Variants in PHF21A observed in about 807,000 individuals in gnomAD.
PHF21A encodes PHD finger protein 21A, also known as BHC80a.
A neutral mutation model predicts 82.5 loss-of-function variants in PHF21A; 11 were observed. That is an observed-to-expected ratio of 0.13 (90% CI 0.08 to 0.22). The LOEUF (loss-of-function observed/expected upper bound fraction) is 0.22, where lower values mean the gene tolerates loss of function less well. Among genes scored for constraint, PHF21A ranks in the 10% least tolerant of loss-of-function variants. PHF21A has a pLI of 1.00. For missense variants in PHF21A, 579 were observed against 837.8 expected, an observed-to-expected ratio of 0.69 and a Z score of 3.81; for synonymous variants, 297 against 302.8, an observed-to-expected ratio of 0.98 and a Z score of 0.20.
intron 6 of PHF21A, among the ~76,000 whole-genome samples, chr11:46,044,513 C>G (rs970492311): frequency 1.3e-5 from 2 of 151,986 alleles, no homozygotes; most frequent in Non-Finnish European, 2.9e-5. Flanking sequence ...CAAGTAACAA[C>G]CTGTGTAACC....
intron 6 of PHF21A, among the ~76,000 whole-genome samples, chr11:46,068,506 G>C (rs1592756054): frequency 6.6e-6 from 1 of 152,252 alleles, no homozygotes; most frequent in Middle Eastern, 3.4e-3. Flanking sequence ...GTTCTCCAAA[G>C]AGTGGAAGAG....
intron 3 of PHF21A, among the ~76,000 whole-genome samples, chr11:46,087,295 G>T (rs768896671): frequency 5.3e-5 from 8 of 152,166 alleles, no homozygotes; most frequent in African/African-American, 9.7e-5. Context: ...TTAACTTGAA[G>T]ACTGTAAATG....
At chr11:46,032,974 G>A (rs973150468) in intron 6 of PHF21A, among the ~76,000 whole-genome samples, 5 of 152,064 alleles carry the variant, frequency 3.3e-5, no homozygotes, top group Admixed American at 6.6e-5. Flanking sequence ...ATCCCTAAGA[G>A]CCTCTCTCTA....
chr11:46,059,465 G>A (rs751390892), intron 6 of PHF21A, among the ~76,000 whole-genome samples: 16 of 151,954 alleles, frequency 1.1e-4, no homozygotes, highest in Non-Finnish European at 1.6e-4. Context: ...TTCCACTGTC[G>A]CCCAGATGGG....
At chr11:46,099,819 A>G (rs560880095) in intron 1 of PHF21A, among the ~76,000 whole-genome samples, 95 of 152,318 alleles carry the variant, frequency 6.2e-4, no homozygotes, top group Non-Finnish European at 1.3e-3. Flanking sequence ...TCCAGCCTGA[A>G]AGAAAATTAG....
At chr11:45,952,682 G>A (rs1360864883) in intron 11 of PHF21A, among the ~76,000 whole-genome samples, 2 of 152,124 alleles carry the variant, frequency 1.3e-5, no homozygotes, top group Non-Finnish European at 2.9e-5. Flanking sequence ...TAGGAAACCT[G>A]AACTGGCTCA....
intron 6 of PHF21A, among the ~76,000 whole-genome samples, chr11:45,982,689 C>T (rs566446846): frequency 2.0e-5 from 3 of 152,138 alleles, no homozygotes; most frequent in Non-Finnish European, 4.4e-5. Context: ...AGTCCTCCTC[C>T]CCATCAGACA....
intron 1 of PHF21A, among the ~76,000 whole-genome samples, chr11:46,103,366 C>T (rs890481996): frequency 2.1e-4 from 32 of 152,162 alleles, no homozygotes; most frequent in African/African-American, 7.7e-4. Context: ...GCTTTACCTA[C>T]TGGTCACTCT....
intron 6 of PHF21A, among the ~76,000 whole-genome samples, chr11:46,007,713 ATTAAT>A (rs370632163): frequency 1.7e-3 from 261 of 152,328 alleles, no homozygotes; most frequent in African/African-American, 5.6e-3. Context: ...ATTTAGTTAC[ATTAAT>A]TTAAATCAAA....
intron 10 of PHF21A, among the ~76,000 whole-genome samples, chr11:45,958,396 C>CAAAAA (rs1159762183): frequency 0.024 from 26 of 1,064 alleles, 12 homozygotes; most frequent in Non-Finnish European, 0.032. Context: ...AACCTGGTCT[C>CAAAAA]AAAAAAAAAA....
At chr11:46,015,873 G>A (rs1379569192) in intron 6 of PHF21A, among the ~76,000 whole-genome samples, 2 of 150,638 alleles carry the variant, frequency 1.3e-5, no homozygotes, top group East Asian at 2.0e-4. Context: ...GGACCTGCCC[G>A]AGGCTATTGC....
chr11:46,088,438 A>C (rs1593053672), intron 3 of PHF21A, among the ~76,000 whole-genome samples: 2 of 134,952 alleles, frequency 1.5e-5, no homozygotes, highest in South Asian at 2.3e-4. Flanking sequence ...ACAACAACAA[A>C]ACATAAAAAC....
At chr11:45,997,176 A>G (rs1412522982) in intron 6 of PHF21A, among the ~76,000 whole-genome samples, 1 of 152,170 alleles carries the variant, frequency 6.6e-6, no homozygotes, top group East Asian at 1.9e-4. Context: ...GAATTCTACT[A>G]CACTCTTCCT....
intron 8 of PHF21A, 85 bp from the exon 9 acceptor site, chr11:45,969,989 G>C: frequency 3.4e-6 from 3 of 876,960 alleles, no homozygotes; most frequent in Non-Finnish European, 5.6e-6. Context: ...ACTATTCTTT[G>C]GATCAGACAA....
rs773590062 is a variant in PHF21A at position 45,971,195 on chromosome 11, A to C, written c.533T>G (p.Val178Gly). 6.2e-7 allele frequency: 1 copy of C among 1,614,156 alleles called. No homozygotes were observed. The highest frequency in any genetic ancestry group is 8.5e-7 in the Non-Finnish European group (1 of 1,180,018). The change falls in exon 8 of 19, where the codon GTC (valine) becomes GGC (glycine). Residue 178 changes from valine (V) to glycine (G), a missense_variant. Val to Gly is a moderately radical substitution (Grantham distance 109). This residue lies in a region of PHF21A where 410 missense variants were observed against 642.1 expected (regional missense o/e 0.64). Coordinates refer to ENST00000676320, the MANE Select transcript of PHF21A (RefSeq NM_001352027.3). The stretch of plus-strand genomic sequence containing the variant: ...GACCTTACTAGACGTCTGGAGGTTG[A>C]CTGGTGTGTTCTGCACATCAGTGCT... ...VLSTDVQNTPVNLQTSSKVTG... is the reference protein window; with the variant it reads ...VLSTDVQNTPGNLQTSSKVTG...
At chr11:45,997,278 G>A (rs1226609565) in intron 6 of PHF21A, among the ~76,000 whole-genome samples, 5 of 152,136 alleles carry the variant, frequency 3.3e-5, no homozygotes, top group Admixed American at 6.5e-5. Context: ...ATTGCTGTAT[G>A]TTTTTATGAC....
chr11:45,943,928 C>G (rs948123268), intron 15 of PHF21A, among the ~76,000 whole-genome samples: 3 of 152,126 alleles, frequency 2.0e-5, no homozygotes, highest in African/African-American at 7.2e-5. Flanking sequence ...ATCAGACAAT[C>G]CAAACGGAGA....
chr11:45,941,599 T>C (rs566112802), intron 15 of PHF21A, among the ~76,000 whole-genome samples: 8 of 152,276 alleles, frequency 5.3e-5, no homozygotes, highest in African/African-American at 1.7e-4. Flanking sequence ...CTGCTGCCCA[T>C]AGAAATGAAT....
chr11:45,935,744 A>T lies in PHF21A; in HGVS notation c.1685-5T>A. 2.1e-5 allele frequency: 6 copies of T among 280,044 alleles called. No homozygotes were observed. The highest frequency in any genetic ancestry group is 6.3e-5 in the South Asian group (1 of 15,806). 17.3% of individuals were successfully genotyped at this position (280,044 alleles called of 1,614,324 possible). On this transcript the variant is annotated splice_region_variant and splice_polypyrimidine_tract_variant and intron_variant, in intron 17 of 18. Coordinates refer to ENST00000676320, the MANE Select transcript of PHF21A (RefSeq NM_001352027.3). ...TCTGTTTCTCTTCTTCTTTTGCTAA[A>T]AAAAAAAAAAAAAAAAAAAAGGAAC...
Sources: allele counts gnomAD v4.1 joint callset (sites outside exome capture counted in the v4.1 genomes callset), GRCh38; gene constraint gnomAD v4.1.1; regional missense constraint gnomAD v4.1.1; transcripts MANE v1.5; gene names NCBI Gene and HGNC (gene_info 2026-07-23, HGNC 2026-07-21).